Variants in VPS33B observed in about 807,000 individuals in gnomAD.
VPS33B encodes the protein vacuolar protein sorting-associated protein 33B.
VPS33B carries 80 observed loss-of-function variants against 95.3 expected under a neutral mutation model. The observed-to-expected ratio is 0.84, with a 90% confidence interval of 0.70 to 1.01. VPS33B has a LOEUF of 1.01. Among genes scored for constraint, VPS33B ranks in the 50% least tolerant of loss-of-function variants. VPS33B has a pLI of 0.00. For synonymous variants in VPS33B, 280 were observed against 280.4 expected, an observed-to-expected ratio of 1.00 and a Z score of 0.01; for missense variants, 715 against 773.4, an observed-to-expected ratio of 0.92 and a Z score of 0.90.
In VPS33B at chr15:90,999,132, TC is replaced by T; in HGVS notation, c.1775-79del. On this transcript the variant is annotated intron_variant, in intron 22 of 22. Transcript: ENST00000333371. The surrounding 1 kb of genome is among the most constrained non-coding windows in gnomAD (Gnocchi z 5.1). Reference sequence around the variant, plus strand: ...CGGCAACCCATAGAGCCTCTCCAGTTCCACAGTCCCCACGGGATCACAGCAC... The same window carrying T: ...CGGCAACCCATAGAGCCTCTCCAGTTCACAGTCCCCACGGGATCACAGCAC... 7.4e-7 allele frequency: 1 copy of T among 1,350,280 alleles called. No individual in the cohort carries two copies. Among genetic ancestry groups the T allele is most frequent in the Non-Finnish European group, 1.1e-6 (1 of 949,894 alleles). The allele number at this position is 1,350,280 out of a possible 1,614,324, so 83.6% of individuals were successfully genotyped here. A position where few individuals can be genotyped will look rare whatever the true frequency, so the allele number is the denominator to read the frequency against.
chr15:91,006,521 T>C lies in VPS33B; in HGVS notation c.779-76A>G. 6.2e-7 allele frequency: 1 copy of C among 1,610,434 alleles called. No homozygotes were observed. Among genetic ancestry groups the C allele is most frequent in the Non-Finnish European group, 8.5e-7 (1 of 1,176,808 alleles). ...ACCATTCCCTGAACTGCCATAAAGG[T>C]CCTCAAACTATTTGGAAGCCAGCAG... On this transcript the variant is annotated intron_variant, in intron 10 of 22. Transcript: ENST00000333371. The surrounding 1 kb of genome is among the most constrained non-coding windows in gnomAD (Gnocchi z 5.4).
In VPS33B at chr15:91,006,684, C is replaced by T. The variant is rs2040614813; in HGVS notation, c.746G>A (p.Gly249Asp). The change falls in exon 10 of 23, where the codon GGC becomes GAC. Residue 249 changes from glycine to aspartate, a missense_variant. By Grantham distance (94) the Gly-to-Asp change is moderately conservative. Coordinates refer to ENST00000333371, the MANE Select transcript of VPS33B (RefSeq NM_018668.5). This position sits in a 1 kb window ranked among gnomAD's most constrained non-coding sequence, Gnocchi z 5.4. ...GATGCGGAAGGTGTCATCTACTAGG[C>T]CCTCATAAACCACTTGGGAGCAAAG... ...TALCSQVVYE[G>D]LVDDTFRIKC... is the part of the protein sequence containing the mutation. 6.2e-7 allele frequency: 1 copy of T among 1,614,036 alleles called. No homozygotes were observed.
In VPS33B at chr15:91,000,445, A is replaced by T; in HGVS notation, c.1581+45T>A. The T allele has an allele frequency of 6.5e-7, 1 of 1,549,860 alleles. No individual in the cohort carries two copies. Among genetic ancestry groups the T allele is most frequent in the South Asian group, 1.1e-5 (1 of 89,144 alleles). On this transcript the variant is annotated intron_variant, in intron 20 of 22. Transcript: ENST00000333371. This position sits in a 1 kb window ranked among gnomAD's most constrained non-coding sequence, Gnocchi z 4.9. ...GACACGCCAGGGACCAAGAGAAAGC[A>T]GAGAGAATGAAATATGAATGGGAGC...
intron 4 of VPS33B, 85 bp downstream of exon 4, chr15:91,014,299 T>A: frequency 7.3e-7 from 1 of 1,369,294 alleles, no homozygotes; most frequent in South Asian, 1.2e-5. Context: ...ACAATTATTT[T>A]CTTATTAGAG....
chr15:91,006,357 C>G lies in VPS33B; in HGVS notation c.852+15G>C. On this transcript the variant is annotated intron_variant, in intron 11 of 22. Coordinates refer to ENST00000333371, the MANE Select transcript of VPS33B (RefSeq NM_018668.5). The surrounding 1 kb of genome is among the most constrained non-coding windows in gnomAD (Gnocchi z 5.4). Reference sequence around the variant, plus strand: ...TGGCCCTAGGTGGGCCCATTGCTAGCACCCACACCCTCACCTTGTCCTCGG... The same window carrying G: ...TGGCCCTAGGTGGGCCCATTGCTAGGACCCACACCCTCACCTTGTCCTCGG... 6.2e-7 allele frequency: 1 copy of G among 1,614,114 alleles called. No individual in the cohort carries two copies. Among genetic ancestry groups the G allele is most frequent in the Non-Finnish European group, 8.5e-7 (1 of 1,180,034 alleles).
chr15:91,017,409 T>A lies in VPS33B; in HGVS notation c.178-385A>T, dbSNP rs1282471995. Among the ~76,000 whole-genome samples the A allele has an allele frequency of 1.3e-3, 134 of 103,664 alleles. 2 individuals carry two copies. Among genetic ancestry groups the A allele is most frequent in the Non-Finnish European group, 1.9e-3 (96 of 51,310 alleles). The allele number at this position is 103,664 out of a possible 152,430, so 68.0% of individuals were successfully genotyped here. A position where few individuals can be genotyped will look rare whatever the true frequency, so the allele number is the denominator to read the frequency against. On this transcript the variant is annotated intron_variant, in intron 2 of 22. Transcript: ENST00000333371. ...ATATATATATATATATATATATATA[T>A]ATATATATATATATTCTGTAGTAAA...
chr15:91,022,088 G>A (rs2041119770), intron 1 of VPS33B, 66 bp downstream of exon 1: 10 of 1,521,944 alleles, frequency 6.6e-6, no homozygotes, highest in Non-Finnish European at 7.1e-6. Context: ...GGCACGGCAA[G>A]GAAGAAATGT....
Position 91,004,910 on chromosome 15 carries a change from G to A in VPS33B, c.1192C>T (p.Arg398Cys), listed in dbSNP as rs943813904. 9.3e-6 allele frequency: 15 copies of A among 1,614,042 alleles called. No individual in the cohort carries two copies. Among genetic ancestry groups the A allele is most frequent in the East Asian group, 4.5e-5 (2 of 44,894 alleles). The part of the protein sequence containing the change: ...DRQVSPIESL[R>C]LMCLLSITEN... ...GTGATGGACAAAAGGCACATGAGGC[G>A]CAGGCTTTCTATAGGCGACACCTGC... The change falls in exon 16 of 23, where the codon CGC becomes TGC. Residue 398 changes from arginine to cysteine, a missense_variant. By Grantham distance (180) the Arg-to-Cys change is radical. Transcript: ENST00000333371.
At position 91,017,927 on chromosome 15, in the gene VPS33B, G is replaced by A. The variant is rs377020696; in HGVS notation, c.97-42C>T. ...ATGTTGGGTCACTCACAGGTCACAT[G>A]AGCTTCCGCAGCTGAGAAGTGGCCC... On this transcript the variant is annotated intron_variant, in intron 1 of 22. Coordinates refer to ENST00000333371, the MANE Select transcript of VPS33B (RefSeq NM_018668.5). The A allele has an allele frequency of 1.7e-4, 265 of 1,600,034 alleles. 1 individual carries two copies. The highest frequency in any genetic ancestry group is 3.3e-4 in the Middle Eastern group (2 of 6,052).
intron 16 of VPS33B, 81 bp downstream of exon 16, chr15:91,004,796 T>A: frequency 1.3e-6 from 2 of 1,520,128 alleles, no homozygotes; most frequent in Non-Finnish European, 1.8e-6. Flanking sequence ...ACATTTGCCT[T>A]AGCCTTTCAA....
chr15:91,006,164 A>G lies in VPS33B; in HGVS notation c.853-105T>C. 1 of 1,407,176 alleles carries G rather than the reference A, an allele frequency of 7.1e-7. No individual in the cohort carries two copies. The highest frequency in any genetic ancestry group is 9.9e-7 in the Non-Finnish European group (1 of 1,005,226). The allele number at this position is 1,407,176 out of a possible 1,614,324, so 87.2% of individuals were successfully genotyped here. A position where few individuals can be genotyped will look rare whatever the true frequency, so the allele number is the denominator to read the frequency against. On this transcript the variant is annotated intron_variant, in intron 11 of 22. Coordinates refer to ENST00000333371, the MANE Select transcript of VPS33B (RefSeq NM_018668.5). This position sits in a 1 kb window ranked among gnomAD's most constrained non-coding sequence, Gnocchi z 5.4. Reference sequence around the variant, plus strand: ...CTCAGGTGTTCTGGCAGAAATACAAAGAAAGCTGAGCTGGGATCTGTAAGT... The same window carrying G: ...CTCAGGTGTTCTGGCAGAAATACAAGGAAAGCTGAGCTGGGATCTGTAAGT...
At chr15:91,022,012 G>T in intron 1 of VPS33B, 142 bp downstream of exon 1, 1 of 940,286 alleles carries the variant, frequency 1.1e-6, no homozygotes, top group Non-Finnish European at 1.6e-6. Flanking sequence ...CTACTCCCTG[G>T]ATTCATTCTG....
chr15:91,008,059 AAT>A, intron 6 of VPS33B, 95 bp from the exon 7 acceptor site: 1 of 1,112,540 alleles, frequency 9.0e-7, no homozygotes, highest in Non-Finnish European at 1.4e-6. Context: ...GCGTGCAACA[AAT>A]ATATGAGTGC....
In VPS33B at chr15:91,009,477, T is replaced by C. The variant is rs1369615056; in HGVS notation, c.403+324A>G. ...GTGCGCCATCACGCCCAGCTAATTA[T>C]TGTATTTTTAGTAGAGATGGGGTTT... On this transcript the variant is annotated intron_variant, in intron 6 of 22. Transcript: ENST00000333371. The surrounding 1 kb of genome is among the most constrained non-coding windows in gnomAD (Gnocchi z 4.1). Among the ~76,000 whole-genome samples, 2 of 152,038 alleles carry C rather than the reference T, an allele frequency of 1.3e-5. No individual in the cohort carries two copies. Among genetic ancestry groups the C allele is most frequent in the East Asian group, 3.9e-4 (2 of 5,184 alleles).
Position 91,005,416 on chromosome 15 carries a change from T to C in VPS33B, c.1069A>G (p.Lys357Glu). 1.2e-6 allele frequency: 2 copies of C among 1,614,140 alleles called. No individual in the cohort carries two copies. The highest frequency in any genetic ancestry group is 1.7e-6 in the Non-Finnish European group (2 of 1,180,026). Residue 357 changes from lysine (K) to glutamate (E), a missense_variant, in exon 14 of 23, where the codon AAG (lysine) becomes GAG (glutamate). Physicochemically the swap from Lys to Glu is moderately conservative, Grantham distance 56. Coordinates refer to ENST00000333371, the MANE Select transcript of VPS33B (RefSeq NM_018668.5). This position sits in a 1 kb window ranked among gnomAD's most constrained non-coding sequence, Gnocchi z 6.4. ...ACESIMKKKT[K>E]QDFQELIKTE... ...TTGATTAGCTCCTGGAAATCCTGCTTGGTTTTCTTCTTCATGATGGATTCA... is the reference window on the plus strand; with the variant it reads ...TTGATTAGCTCCTGGAAATCCTGCTCGGTTTTCTTCTTCATGATGGATTCA...
In VPS33B at chr15:91,016,952, C is replaced by T. The variant is rs1390633140; in HGVS notation, c.239+11G>A. On this transcript the variant is annotated intron_variant, in intron 3 of 22. Coordinates refer to ENST00000333371, the MANE Select transcript of VPS33B (RefSeq NM_018668.5). ...AGCTTGGAGTAGGGACAGACTCTCC[C>T]AGACACTCACTGTTCATTGGAGCTG... The T allele has an allele frequency of 6.2e-7, 1 of 1,613,826 alleles. No homozygotes were observed. Among genetic ancestry groups the T allele is most frequent in the Non-Finnish European group, 8.5e-7 (1 of 1,179,812 alleles).
Position 91,006,699 on chromosome 15 carries a change from T to C in VPS33B, c.731A>G (p.Gln244Arg). The change falls in exon 10 of 23, where the codon CAA (glutamine) becomes CGA (arginine). Residue 244 changes from glutamine to arginine, a missense_variant. Gln to Arg is a conservative substitution (Grantham distance 43, BLOSUM62 1). Coordinates refer to ENST00000333371, the MANE Select transcript of VPS33B (RefSeq NM_018668.5). The surrounding 1 kb of genome is among the most constrained non-coding windows in gnomAD (Gnocchi z 5.4). Reference protein sequence around the residue: ...DVDFVTALCSQVVYEGLVDDT... With the variant: ...DVDFVTALCSRVVYEGLVDDT... The stretch of plus-strand genomic sequence containing the variant: ...ATCTACTAGGCCCTCATAAACCACT[T>C]GGGAGCAAAGTGCTGTCACAAAGTC... 6.2e-7 allele frequency: 1 copy of C among 1,614,170 alleles called. No individual in the cohort carries two copies. Among genetic ancestry groups the C allele is most frequent in the Non-Finnish European group, 8.5e-7 (1 of 1,180,020 alleles).
intron 2 of VPS33B, among the ~76,000 whole-genome samples, chr15:91,017,371 T>A (rs200861182): frequency 0.24 from 1,990 of 8,168 alleles, 352 homozygotes; most frequent in East Asian, 0.68. Context: ...AAATTAAATA[T>A]ATATATATAT....
intron 4 of VPS33B, 148 bp from the exon 5 acceptor site, chr15:91,014,019 A>G: frequency 1.1e-6 from 1 of 950,704 alleles, no homozygotes; most frequent in Non-Finnish European, 1.7e-6. Flanking sequence ...GGAGTTTGCG[A>G]CCAGCCTGGC....
Sources: gnomAD v4.1 joint callset for allele counts (sites outside exome capture counted in the v4.1 genomes callset) on GRCh38, gnomAD v4.1.1 for gene constraint, Gnocchi (gnomAD v3.1) non-coding constraint, MANE v1.5 for transcripts, NCBI Gene and HGNC (gene_info 2026-07-23, HGNC 2026-07-21) for gene names.